ATP10D: variants seen among roughly 807,000 people sequenced by gnomAD.
ATP10D encodes the protein phospholipid-transporting ATPase VD.
Under a neutral mutation model 144.8 loss-of-function variants are expected in ATP10D, and 89 were observed. That is an observed-to-expected ratio of 0.61 (90% CI 0.52 to 0.73). The LOEUF (loss-of-function observed/expected upper bound fraction) is 0.73. ATP10D is among the 30% of genes least tolerant of loss of function. The pLI is 0.00. For missense variants in ATP10D, 1,603 were observed against 1,714.8 expected (o/e 0.93, Z 1.15); for synonymous variants, 571 against 615.1 (o/e 0.93, Z 1.06).
chr4:47,566,439 T>C (rs1220693477), intron 15 of ATP10D, among the ~76,000 whole-genome samples: 1 of 152,192 alleles, frequency 6.6e-6, no homozygotes, highest in Non-Finnish European at 1.5e-5. Flanking sequence ...TCTATCTTCA[T>C]AATTTATATT....
At chr4:47,572,106 T>G in intron 16 of ATP10D, 48 bp from the exon 17 acceptor site, 1 of 1,562,522 alleles carries the variant, frequency 6.4e-7, no homozygotes, top group Non-Finnish European at 8.8e-7. Context: ...ATTTACACCC[T>G]TTCTTTACTC....
At chr4:47,491,133 T>A in intron 1 of ATP10D, 1 of 733,820 alleles carries the variant, frequency 1.4e-6, no homozygotes, top group Admixed American at 1.8e-5. Flanking sequence ...TCTGATCATT[T>A]TCCTTCATGC....
chr4:47,560,816 C>A, intron 13 of ATP10D, 133 bp from the exon 14 acceptor site: 1 of 1,120,134 alleles, frequency 8.9e-7, no homozygotes, highest in Non-Finnish European at 1.3e-6. Flanking sequence ...GGATATGGAT[C>A]TGACATGGCT....
At chr4:47,530,344 GA>G (rs892095599) in intron 5 of ATP10D, among the ~76,000 whole-genome samples, 55 of 152,094 alleles carry the variant, frequency 3.6e-4, no homozygotes, top group African/African-American at 1.3e-3. Flanking sequence ...CTAGTTTGTT[GA>G]GGATTTTTAT....
rs1720277269 is a variant in ATP10D, at chr4:47,577,083, T to TCAAAACA, written c.3567+110_3567+111insCAAAACA. ...TCTACTCAGAACTGTTTGAAATATCTGATTGTTTTAAAAGATCTCTACTTA... is the reference window on the plus strand; with the variant it reads ...TCTACTCAGAACTGTTTGAAATATCTCAAAACAGATTGTTTTAAAAGATCTCTACTTA... On this transcript the variant is annotated intron_variant, in intron 19 of 22. Transcript: ENST00000273859. 2.1e-5 allele frequency: 20 copies of TCAAAACA among 945,880 alleles called. No individual in the cohort carries two copies. In the East Asian group the frequency reaches 5.2e-4, roughly 25 times the overall value. The allele number at this position is 945,880 out of a possible 1,614,324, so 58.6% of individuals were successfully genotyped here.
intron 1 of ATP10D, among the ~76,000 whole-genome samples, chr4:47,492,691 A>T (rs993712098): frequency 1.3e-5 from 2 of 152,194 alleles, no homozygotes; most frequent in Non-Finnish European, 2.9e-5. Flanking sequence ...TTATATTAAT[A>T]TTAATTCATC....
intron 9 of ATP10D, among the ~76,000 whole-genome samples, chr4:47,537,223 C>T (rs6835123): frequency 0.99 from 150,966 of 152,226 alleles, 74,870 homozygotes; most frequent in East Asian, 1. Flanking sequence ...TAAATACTTT[C>T]GAAAAGCTGA....
chr4:47,522,120 G>A (rs1716974086), intron 3 of ATP10D, among the ~76,000 whole-genome samples: 1 of 152,150 alleles, frequency 6.6e-6, no homozygotes, highest in South Asian at 2.1e-4. Context: ...ACTTTTGTTG[G>A]TGGCATCATA....
chr4:47,490,528 G>A (rs994474093), intron 1 of ATP10D, among the ~76,000 whole-genome samples: 2 of 152,216 alleles, frequency 1.3e-5, no homozygotes, highest in Admixed American at 6.5e-5. Context: ...GAAGAAGTAT[G>A]GTGGTCCCAA....
intron 10 of ATP10D, among the ~76,000 whole-genome samples, chr4:47,553,413 A>C (rs1163270129): frequency 6.6e-6 from 1 of 152,222 alleles, no homozygotes; most frequent in Non-Finnish European, 1.5e-5. Context: ...TTTAGATAGA[A>C]ACTTAGCAAT....
intron 16 of ATP10D, among the ~76,000 whole-genome samples, chr4:47,570,413 ATATC>A (rs1396764264): frequency 6.6e-6 from 1 of 152,220 alleles, no homozygotes; most frequent in African/African-American, 2.4e-5. Flanking sequence ...AGGCCATTAA[ATATC>A]TAAGCAGTGA....
At chr4:47,511,588 C>A (rs1423790296) in intron 1 of ATP10D, among the ~76,000 whole-genome samples, 1 of 152,084 alleles carries the variant, frequency 6.6e-6, no homozygotes, top group East Asian at 1.9e-4. Flanking sequence ...AATAAGGAAA[C>A]CTTAGAAATA....
Position 47,536,824 on chromosome 4 carries a change from G to A in ATP10D, c.1282G>A (p.Asp428Asn). The change falls in exon 9 of 23, where the codon GAT (aspartate) becomes AAT (asparagine). Residue 428 changes from aspartate (D) to asparagine (N), a missense_variant. Transcript: ENST00000273859. ...VQCRALNIAE[D>N]LGQIQYLFSD... ...GTGCCGAGCCCTGAACATCGCCGAG[G>A]ATCTGGGACAGATTCAGTACCTCTT... The A allele has an allele frequency of 1.2e-5, 19 of 1,613,276 alleles. No homozygotes were observed. The highest frequency in any genetic ancestry group is 1.4e-5 in the Non-Finnish European group (17 of 1,179,670).
At chr4:47,495,235 T>C (rs952577762) in intron 1 of ATP10D, among the ~76,000 whole-genome samples, 5 of 152,132 alleles carry the variant, frequency 3.3e-5, no homozygotes, top group Admixed American at 6.5e-5. Context: ...TATGTACGCA[T>C]CTTACCCATG....
At chr4:47,550,175 T>G (rs1362966387) in intron 10 of ATP10D, among the ~76,000 whole-genome samples, 4 of 152,184 alleles carry the variant, frequency 2.6e-5, no homozygotes, top group Non-Finnish European at 5.9e-5. Context: ...GTCAACTTTA[T>G]GTCCCATCTA....
At chr4:47,507,618 T>C (rs1021794883) in intron 1 of ATP10D, among the ~76,000 whole-genome samples, 1 of 152,220 alleles carries the variant, frequency 6.6e-6, no homozygotes, top group African/African-American at 2.4e-5. Flanking sequence ...GTCTTTATGT[T>C]CTTTTCTATA....
At chr4:47,554,449 A>C (rs1464097582) in intron 10 of ATP10D, among the ~76,000 whole-genome samples, 1 of 152,232 alleles carries the variant, frequency 6.6e-6, no homozygotes, top group Admixed American at 6.5e-5. Context: ...AAAACACTCA[A>C]CTAGATTTGG....
chr4:47,499,479 T>A (rs1263669136), intron 1 of ATP10D, among the ~76,000 whole-genome samples: 1 of 152,098 alleles, frequency 6.6e-6, no homozygotes, highest in Non-Finnish European at 1.5e-5. Context: ...AAAACTTAAA[T>A]CTTCATAAAG....
At position 47,522,982 on chromosome 4, in the gene ATP10D, TTTTTTTTTTTAAC is replaced by T; in HGVS notation, c.486-21_486-9del. 1 of 1,350,368 alleles carries T rather than the reference TTTTTTTTTTTAAC, an allele frequency of 7.4e-7. No individual in the cohort carries two copies. Among genetic ancestry groups the T allele is most frequent in the Non-Finnish European group, 1.0e-6 (1 of 1,004,746 alleles). 83.6% of individuals were successfully genotyped at this position (1,350,368 alleles called of 1,614,324 possible). ...GTATGTATTTTTCACTTGATATTCT[TTTTTTTTTTTAAC>T]TTTTTTTTAATTACAGGAAAGAGAA... On this transcript the variant is annotated splice_polypyrimidine_tract_variant and intron_variant, in intron 3 of 22. Transcript: ENST00000273859.
Sources: allele counts gnomAD v4.1 joint callset (sites outside exome capture counted in the v4.1 genomes callset), GRCh38; gene constraint gnomAD v4.1.1; transcripts MANE v1.5; gene names NCBI Gene and HGNC (gene_info 2026-07-23, HGNC 2026-07-21).